The following STK31 variants were observed in gnomAD, a reference collection of about 807,000 sequenced individuals.
STK31 encodes the protein serine/threonine kinase 31.
In STK31, 89 loss-of-function variants were observed where a neutral mutation model predicts 129.7. The observed-to-expected ratio is 0.69, with a 90% CI of 0.58 to 0.82. STK31 has a LOEUF of 0.82. Ranked by LOEUF, STK31 falls within the 40% of genes least tolerant of loss-of-function variation. The probability of loss-of-function intolerance (pLI) is 0.00; values close to 1 mark genes in which losing one functional copy is unlikely to be tolerated. For missense variants in STK31, 1,187 were observed against 1,176.4 expected (o/e 1.01, Z -0.13); for synonymous variants, 448 against 395.3 (o/e 1.13, Z -1.58).
In STK31 at chr7:23,830,671, G is replaced by A. The variant is rs535858729; in HGVS notation, c.2830-1465G>A. Among the ~76,000 whole-genome samples, 18 of 151,416 alleles carry A rather than the reference G, an allele frequency of 1.2e-4. No individual in the cohort carries two copies. The East Asian group carries it at 3.5e-3, about 29-fold the overall frequency. On this transcript the variant is annotated intron_variant, in intron 23 of 23. Transcript: ENST00000355870. ...GTCTCACTCTGTTGCCCAGGCTGGA[G>A]TGCAGTGGTGTGATCTCATCTCACT...
At chr7:23,796,267 C>T (rs10215408) in intron 22 of STK31, among the ~76,000 whole-genome samples, 70,734 of 151,948 alleles carry the variant, frequency 0.47, 16,937 homozygotes, top group Admixed American at 0.55. Context: ...ATTGAACCAG[C>T]ACCCTCATGG....
intron 7 of STK31, among the ~76,000 whole-genome samples, chr7:23,736,484 T>G (rs1439083664): frequency 6.6e-6 from 1 of 151,084 alleles, no homozygotes; most frequent in African/African-American, 2.4e-5. Context: ...GACATAGCTG[T>G]TTGATGGGAT....
chr7:23,819,572 G>A (rs1016169817), intron 23 of STK31, among the ~76,000 whole-genome samples: 3 of 152,060 alleles, frequency 2.0e-5, no homozygotes, highest in African/African-American at 7.2e-5. Flanking sequence ...GCGCCACCAT[G>A]CCCAGCTAAT....
At chr7:23,772,773 C>G (rs965273926) in intron 15 of STK31, among the ~76,000 whole-genome samples, 23 of 152,116 alleles carry the variant, frequency 1.5e-4, no homozygotes, top group Admixed American at 1.5e-3. Context: ...TTAGGATGCC[C>G]TAATCTGGAC....
Position 23,729,266 on chromosome 7 carries a change from A to G in STK31, c.483+17A>G. 1.3e-6 allele frequency: 2 copies of G among 1,557,276 alleles called. No individual in the cohort carries two copies. The highest frequency in any genetic ancestry group is 1.7e-6 in the Non-Finnish European group (2 of 1,158,380). ...TTTGATCAGGCAAGTCACGTATTTTAAATATTTTTGCTAATGAAAGTAAAA... is the reference window on the plus strand; with the variant it reads ...TTTGATCAGGCAAGTCACGTATTTTGAATATTTTTGCTAATGAAAGTAAAA... On this transcript the variant is annotated intron_variant, in intron 6 of 23. Coordinates refer to ENST00000355870, the MANE Select transcript of STK31 (RefSeq NM_031414.5).
chr7:23,806,298 A>G (rs1792697993), intron 22 of STK31, among the ~76,000 whole-genome samples: 1 of 152,120 alleles, frequency 6.6e-6, no homozygotes. Context: ...TTTTGTTTGG[A>G]ATACAGGTAC....
At chr7:23,826,308 ATAGT>A (rs1229667434) in intron 23 of STK31, among the ~76,000 whole-genome samples, 12 of 152,192 alleles carry the variant, frequency 7.9e-5, no homozygotes, top group East Asian at 5.8e-4. Flanking sequence ...TATATTTAGG[ATAGT>A]TAGTTCTTCT....
chr7:23,730,878 A>ATT (rs60712892), intron 6 of STK31, among the ~76,000 whole-genome samples: 4 of 59,540 alleles, frequency 6.7e-5, no homozygotes, highest in African/African-American at 2.3e-4. Context: ...ATATATATAT[A>ATT]TTTTTTTTTT....
chr7:23,757,774 G>A (rs1464655400), intron 10 of STK31, among the ~76,000 whole-genome samples: 1 of 152,138 alleles, frequency 6.6e-6, no homozygotes, highest in East Asian at 1.9e-4. Context: ...GTGTCGGGCT[G>A]GGGGACGGTC....
At chr7:23,731,871 T>A (rs575094901) in intron 6 of STK31, among the ~76,000 whole-genome samples, 1 of 152,346 alleles carries the variant, frequency 6.6e-6, no homozygotes, top group African/African-American at 2.4e-5. Flanking sequence ...AGGAATAAAG[T>A]AGAAAGCAAG....
At chr7:23,791,477 G>A (rs2128114582) in intron 22 of STK31, 1 of 204,122 alleles carries the variant, frequency 4.9e-6, no homozygotes, top group Non-Finnish European at 8.6e-6. Flanking sequence ...GGTGGAGGTT[G>A]GGAGAAAGGT....
chr7:23,797,079 T>C (rs983865378), intron 22 of STK31, among the ~76,000 whole-genome samples: 2 of 152,144 alleles, frequency 1.3e-5, no homozygotes, highest in Non-Finnish European at 2.9e-5. Flanking sequence ...CTAAATATTA[T>C]ATGCACCCAA....
At chr7:23,783,500 C>T in intron 16 of STK31, 83 bp from the exon 17 acceptor site, 1 of 948,918 alleles carries the variant, frequency 1.1e-6, no homozygotes, top group Non-Finnish European at 1.6e-6. Flanking sequence ...AAGGTAGATG[C>T]TGATATATTT....
chr7:23,761,468 C>T (rs187563444), intron 10 of STK31, among the ~76,000 whole-genome samples: 65 of 151,112 alleles, frequency 4.3e-4, no homozygotes, highest in Non-Finnish European at 7.5e-4. Context: ...TCGCCCAGGC[C>T]GGAGTGCAGT....
chr7:23,778,828 C>T (rs1262293682), intron 15 of STK31, among the ~76,000 whole-genome samples: 1 of 152,100 alleles, frequency 6.6e-6, no homozygotes, highest in Non-Finnish European at 1.5e-5. Flanking sequence ...CTGAAGCCTA[C>T]TTCTGTCAAT....
At chr7:23,736,785 G>C in intron 7 of STK31, 119 bp from the exon 8 acceptor site, 1 of 763,182 alleles carries the variant, frequency 1.3e-6, no homozygotes, top group Non-Finnish European at 1.9e-6. Flanking sequence ...AAATATTTTA[G>C]TTTTCAAAAT....
chr7:23,714,367 CTTA>C (rs1409330960), intron 3 of STK31, among the ~76,000 whole-genome samples: 1 of 152,184 alleles, frequency 6.6e-6, no homozygotes, highest in East Asian at 1.9e-4. Flanking sequence ...TATATTTAAG[CTTA>C]TTATACAGAA....
intron 4 of STK31, chr7:23,721,578 TC>T: frequency 1.1e-6 from 1 of 932,408 alleles, no homozygotes; most frequent in Non-Finnish European, 1.8e-6. Context: ...CTTTGCGGAA[TC>T]CCCTTGGCCT....
intron 8 of STK31, among the ~76,000 whole-genome samples, chr7:23,742,071 G>C (rs934739513): frequency 6.6e-6 from 1 of 152,216 alleles, no homozygotes; most frequent in Non-Finnish European, 1.5e-5. Context: ...CAGGGCTGTG[G>C]GTATTCTATA....
Sources: allele counts gnomAD v4.1 joint callset (sites outside exome capture counted in the v4.1 genomes callset), GRCh38; gene constraint gnomAD v4.1.1; transcripts MANE v1.5; gene names NCBI Gene and HGNC (gene_info 2026-07-23, HGNC 2026-07-21).